Variants in SPATA21 observed in about 807,000 individuals in gnomAD.
The protein encoded by SPATA21 is spermatogenesis associated 21, also known as spermatogenesis-associated protein 21.
In SPATA21, 47 loss-of-function variants were observed where a neutral mutation model predicts 54.8. The ratio of observed to expected loss-of-function variants is 0.86; its 90% CI spans 0.68 to 1.09. The LOEUF is 1.09. Among genes scored for constraint, SPATA21 ranks in the 50% least tolerant of loss-of-function variants. The pLI is 0.00. For missense variants in SPATA21, 599 were observed against 596.4 expected (o/e 1.00, Z -0.05); for synonymous variants, 245 against 235.3 (o/e 1.04, Z -0.38).
At chr1:16,412,847 TG>T (rs1298720582) in intron 5 of SPATA21, among the ~76,000 whole-genome samples, 1 of 152,182 alleles carries the variant, frequency 6.6e-6, no homozygotes, top group East Asian at 1.9e-4. Flanking sequence ...TGGAGTGTGG[TG>T]GCGTGATCTT....
At chr1:16,424,240 G>T (rs1177227563) in intron 3 of SPATA21, among the ~76,000 whole-genome samples, 1 of 121,046 alleles carries the variant, frequency 8.3e-6, no homozygotes, top group African/African-American at 3.2e-5. Context: ...ATGAACCTGG[G>T]AGGCAGAGCT....
chr1:16,420,932 T>C (rs1431580685), intron 5 of SPATA21, among the ~76,000 whole-genome samples: 1 of 152,060 alleles, frequency 6.6e-6, no homozygotes, highest in Admixed American at 6.6e-5. Context: ...GACAGGATGT[T>C]CTCCAACCGC....
Position 16,421,607 on chromosome 1 carries a change from T to A in SPATA21, c.96-50A>T. ...TGGGGGAAGCGCTCAGCTGAAGGTT[T>A]GCCCCCCTGCCCTCCCCTCTCAGCC... On this transcript the variant is annotated intron_variant, in intron 4 of 12. Coordinates refer to ENST00000335496, the MANE Select transcript of SPATA21 (RefSeq NM_198546.1). This position sits in a 1 kb window ranked among gnomAD's most constrained non-coding sequence, Gnocchi z 5.2. 1.9e-6 allele frequency: 3 copies of A among 1,557,796 alleles called. No individual in the cohort carries two copies. Among genetic ancestry groups the A allele is most frequent in the Non-Finnish European group, 2.6e-6 (3 of 1,143,830 alleles).
chr1:16,405,493 GAAAA>G (rs538611012), intron 7 of SPATA21, among the ~76,000 whole-genome samples: 8 of 81,326 alleles, frequency 9.8e-5, no homozygotes, highest in South Asian at 4.9e-4. Context: ...AAATAAAAAT[GAAAA>G]AAAAAAAAAA....
intron 3 of SPATA21, among the ~76,000 whole-genome samples, chr1:16,427,598 G>C (rs529337223): frequency 6.6e-6 from 1 of 152,088 alleles, no homozygotes; most frequent in African/African-American, 2.4e-5. Context: ...CATAGTACTA[G>C]GCATGAGGGC....
intron 5 of SPATA21, among the ~76,000 whole-genome samples, chr1:16,418,565 C>A (rs1278852181): frequency 6.6e-6 from 1 of 151,776 alleles, no homozygotes; most frequent in Admixed American, 6.6e-5. Context: ...AGCCACCATA[C>A]CCTCTCTTTT....
chr1:16,427,023 T>G (rs1271540080), intron 3 of SPATA21, among the ~76,000 whole-genome samples: 1 of 152,262 alleles, frequency 6.6e-6, no homozygotes, highest in South Asian at 2.1e-4. Flanking sequence ...ACCATTTCCC[T>G]ATTGTGTGGG....
chr1:16,401,244 G>A (rs966515379), intron 10 of SPATA21, among the ~76,000 whole-genome samples: 1 of 152,212 alleles, frequency 6.6e-6, no homozygotes. Context: ...CAAGCACGCA[G>A]CATGGTGTCT....
At chr1:16,404,914 G>T in intron 8 of SPATA21, 53 bp downstream of exon 8, 1 of 1,505,522 alleles carries the variant, frequency 6.6e-7, no homozygotes, top group Non-Finnish European at 8.8e-7. Context: ...CAGGTTTCAA[G>T]CCAGTGAAGC....
chr1:16,423,456 T>C (rs1470351059), intron 3 of SPATA21, among the ~76,000 whole-genome samples: 1 of 143,614 alleles, frequency 7.0e-6, no homozygotes, highest in African/African-American at 2.6e-5. Context: ...GGTATATCCA[T>C]AGAATGGAAA....
rs764452821 is a variant in SPATA21 at position 16,428,539 on chromosome 1, G to A, written c.34+2799C>T. ...CGAGTAGGTGGGATTACAGGTGTGC[G>A]CCACCATGCCCAACTAATTTTTTTT... is the stretch of plus-strand genomic sequence containing the variant. On this transcript the variant is annotated intron_variant, in intron 3 of 12. Transcript: ENST00000335496. The surrounding 1 kb of genome is among the most constrained non-coding windows in gnomAD (Gnocchi z 4.3). Among the ~76,000 whole-genome samples, 18 of 151,924 alleles carry A rather than the reference G, an allele frequency of 1.2e-4. No individual in the cohort carries two copies. The highest frequency in any genetic ancestry group is 1.8e-4 in the Non-Finnish European group (12 of 68,034).
At chr1:16,437,724 G>A (rs1365417488), upstream of SPATA21, among the ~76,000 whole-genome samples, 2 of 152,126 alleles carry the variant, frequency 1.3e-5, no homozygotes, top group Admixed American at 6.5e-5. Context: ...GTATGTGCTC[G>A]ATGCCTGTCT....
chr1:16,417,403 T>A (rs2086040587), intron 5 of SPATA21, among the ~76,000 whole-genome samples: 2 of 150,914 alleles, frequency 1.3e-5, no homozygotes, highest in South Asian at 4.2e-4. Context: ...GGACTACAGG[T>A]GCCTGCCACC....
chr1:16,427,797 C>T, intron 3 of SPATA21: 1 of 1,483,122 alleles, frequency 6.7e-7, no homozygotes, highest in Non-Finnish European at 9.1e-7. Flanking sequence ...TTCTCTCTCT[C>T]TCCCCCGCGG....
intron 2 of SPATA21, 70 bp downstream of exon 2, chr1:16,432,720 A>T (rs1448639840): frequency 1.3e-5 from 2 of 152,002 alleles, no homozygotes; most frequent in Non-Finnish European, 2.9e-5. Context: ...ACCCCCTTTC[A>T]CTGTTAACTA....
intron 3 of SPATA21, among the ~76,000 whole-genome samples, chr1:16,424,096 G>A (rs1300678536): frequency 6.6e-6 from 1 of 150,618 alleles, no homozygotes; most frequent in African/African-American, 2.4e-5. Context: ...ATATTAAATT[G>A]TACACTTAAA....
chr1:16,435,455 T>G (rs1281594816), intron 1 of SPATA21, among the ~76,000 whole-genome samples: 1 of 151,994 alleles, frequency 6.6e-6, no homozygotes. Context: ...TAGCTGGGAT[T>G]ACAGGTGTGT....
intron 3 of SPATA21, chr1:16,425,343 T>C (rs1259607704): frequency 1.8e-5 from 12 of 685,598 alleles, no homozygotes; most frequent in African/African-American, 3.5e-5. Flanking sequence ...TGCAGTGGCC[T>C]GAACATAGCT....
chr1:16,415,451 C>G (rs577073235), intron 5 of SPATA21, among the ~76,000 whole-genome samples: 6 of 152,360 alleles, frequency 3.9e-5, no homozygotes, highest in African/African-American at 1.4e-4. Flanking sequence ...CCATGGCCCT[C>G]TGGGGACTAC....
Sources: gnomAD v4.1 joint callset for allele counts (sites outside exome capture counted in the v4.1 genomes callset) on GRCh38, gnomAD v4.1.1 for gene constraint, Gnocchi (gnomAD v3.1) non-coding constraint, MANE v1.5 for transcripts, NCBI Gene and HGNC (gene_info 2026-07-23, HGNC 2026-07-21) for gene names.